RADX: variants seen among roughly 807,000 people sequenced by gnomAD.
The protein encoded by RADX is RPA1 related single stranded DNA binding protein, X-linked.
A neutral mutation model predicts 61.6 loss-of-function variants in RADX; 36 were observed. The ratio of observed to expected loss-of-function variants is 0.58; its 90% CI spans 0.45 to 0.77. RADX has a LOEUF of 0.77. Ranked by LOEUF, RADX falls within the 30% of genes least tolerant of loss-of-function variation. The probability of loss-of-function intolerance (pLI) is 0.00; values close to 1 mark genes in which losing one functional copy is unlikely to be tolerated. For synonymous variants in RADX, 272 were observed against 237.9 expected, an observed-to-expected ratio of 1.14 and a Z score of -1.32; for missense variants, 497 against 651.1, an observed-to-expected ratio of 0.76 and a Z score of 2.58.
chrX:106,636,219 A>T (rs140289379), intron 6 of RADX, among the ~76,000 whole-genome samples: 1,183 of 111,728 alleles, frequency 0.011, 17 homozygotes, highest in African/African-American at 0.036. Context: ...TTATCTGTGC[A>T]ACAAACAAAT....
rs114616789 is a variant in RADX at position 106,673,164 on chromosome X, C to G, written c.2437+3834C>G. 4.7e-3 allele frequency among the ~76,000 whole-genome samples: 526 copies of G among 111,663 alleles called. 3 individuals carry two copies. The highest frequency in any genetic ancestry group is 0.016 in the African/African-American group (500 of 30,683). On this transcript the variant is annotated intron_variant, in intron 13 of 13. Transcript: ENST00000372548. ...GTATCTAACATGCAAGACAAAGTCC[C>G]CTTTTCCCTCTGCTTTTCGCAAGTA...
intron 11 of RADX, among the ~76,000 whole-genome samples, chrX:106,661,359 GT>G (rs58810005): frequency 3.3e-5 from 3 of 91,070 alleles, no homozygotes; most frequent in East Asian, 3.4e-4. Flanking sequence ...TTTTTGTTTT[GT>G]TTTTTTTTCT....
intron 11 of RADX, among the ~76,000 whole-genome samples, chrX:106,652,851 C>T (rs111360340): frequency 0.11 from 11,936 of 108,188 alleles, 1,630 homozygotes; most frequent in African/African-American, 0.38. Context: ...CATGTAATCA[C>T]GGAGCATGCC....
At chrX:106,619,184 T>C (rs1482034252) in intron 1 of RADX, among the ~76,000 whole-genome samples, 2 of 111,296 alleles carry the variant, frequency 1.8e-5, no homozygotes, top group Non-Finnish European at 3.8e-5. Context: ...TAGATATATA[T>C]GGGGTACATG....
chrX:106,643,292 T>C (rs962910105), intron 10 of RADX, among the ~76,000 whole-genome samples: 3 of 111,467 alleles, frequency 2.7e-5, no homozygotes, highest in African/African-American at 9.8e-5. Context: ...CTCTTCACTT[T>C]GTTGATTGTT....
chrX:106,614,522 G>A (rs1289924923), intron 1 of RADX, among the ~76,000 whole-genome samples: 3 of 111,870 alleles, frequency 2.7e-5, no homozygotes, highest in Non-Finnish European at 1.9e-5. Context: ...GCTGTTGAAC[G>A]GCTTCCTCTG....
chrX:106,646,339 T>G (rs767730197), intron 10 of RADX, among the ~76,000 whole-genome samples: 2 of 110,632 alleles, frequency 1.8e-5, no homozygotes, highest in African/African-American at 6.6e-5. Flanking sequence ...AGGGCAGACT[T>G]ATGGGTTGAA....
In RADX at chrX:106,632,740, T is replaced by C. The variant is rs1381306050; in HGVS notation, c.1088+7T>C. 2.8e-6 allele frequency: 3 copies of C among 1,088,694 alleles called. No individual in the cohort carries two copies. Among genetic ancestry groups the C allele is most frequent in the East Asian group, 6.0e-5 (2 of 33,109 alleles). The allele number at this position is 1,088,694 out of a possible 1,213,427, so 89.7% of individuals were successfully genotyped here. ...ATCACCGATTTACCACAAGGTAAAA[T>C]AGTTTCTTGTAAAATGTCTTAAATA... is the stretch of plus-strand genomic sequence containing the variant. On this transcript the variant is annotated splice_region_variant and intron_variant, in intron 4 of 13. Transcript: ENST00000372548.
intron 3 of RADX, among the ~76,000 whole-genome samples, chrX:106,631,535 C>A (rs1264806530): frequency 1.9e-5 from 2 of 108,069 alleles, no homozygotes; most frequent in Non-Finnish European, 3.8e-5. Flanking sequence ...TAAGACCCCC[C>A]CATCTCTACC....
chrX:106,649,529 T>G (rs1285579459), intron 11 of RADX, among the ~76,000 whole-genome samples: 1 of 111,977 alleles, frequency 8.9e-6, no homozygotes, highest in Admixed American at 9.5e-5. Context: ...ATATGGTACT[T>G]CTCACAATTA....
intron 8 of RADX, chrX:106,638,532 G>C (rs1383157293): frequency 1.8e-5 from 2 of 112,067 alleles, no homozygotes; most frequent in African/African-American, 6.5e-5. Context: ...AAAGTGCTGG[G>C]ATTACAGGCG....
At position 106,616,606 on chromosome X, in the gene RADX, G is replaced by T. The variant is rs1261404908; in HGVS notation, c.643+3883G>T. Among the ~76,000 whole-genome samples the T allele has an allele frequency of 2.7e-5, 3 of 110,776 alleles. No individual in the cohort carries two copies. In the East Asian group the frequency reaches 8.5e-4, roughly 31 times the overall value. ...GGTTTGGAAGTATAGAGATTTTATT[G>T]TTACTCGTTATTTATATTTTCTTAT... is the stretch of plus-strand genomic sequence containing the variant. On this transcript the variant is annotated intron_variant, in intron 1 of 13. Transcript: ENST00000372548.
rs372401834 is a variant in RADX at position 106,648,282 on chromosome X, G to A, written c.1905-31G>A. On this transcript the variant is annotated intron_variant, in intron 10 of 13. Coordinates refer to ENST00000372548, the MANE Select transcript of RADX (RefSeq NM_018015.6). ...TTTTCATTTGAGACTCTTTTTATAA[G>A]GATTGGTTATACTCTTCTTATCCTT... is the stretch of plus-strand genomic sequence containing the variant. The A allele has an allele frequency of 3.1e-6, 3 of 954,332 alleles. No individual in the cohort carries two copies. The African/African-American group carries it at 5.8e-5, about 19-fold the overall frequency. The allele number at this position is 954,332 out of a possible 1,213,427, so 78.6% of individuals were successfully genotyped here.
chrX:106,620,200 A>G (rs1485635408), intron 1 of RADX, among the ~76,000 whole-genome samples: 1 of 112,395 alleles, frequency 8.9e-6, no homozygotes, highest in Non-Finnish European at 1.9e-5. Flanking sequence ...CTAGATACTA[A>G]CAAGATTTGC....
At position 106,662,216 on chromosome X, in the gene RADX, C is replaced by T. The variant is rs147676341; in HGVS notation, c.2180C>T (p.Ala727Val). 2.0e-5 allele frequency: 24 copies of T among 1,207,785 alleles called. No homozygotes were observed. The highest frequency in any genetic ancestry group is 2.7e-5 in the Non-Finnish European group (24 of 893,949). ...FLSDQYNSQPAKYVPPEGRPP... is the reference protein window; with the variant it reads ...FLSDQYNSQPVKYVPPEGRPP... ...AGTGACCAGTATAATTCTCAGCCTG[C>T]GAAATATGTACCACCAGAAGGAAGG... is the stretch of plus-strand genomic sequence containing the variant. Residue 727 changes from alanine to valine, a missense_variant, in exon 12 of 14, where the codon GCG (alanine) becomes GTG (valine). Around this residue, in one of 3 missense-constraint regions of RADX, gnomAD observed 267 missense variants for 306.9 expected, o/e 0.87. Transcript: ENST00000372548.
chrX:106,645,098 A>T (rs1927624466), intron 10 of RADX, among the ~76,000 whole-genome samples: 1 of 111,155 alleles, frequency 9.0e-6, no homozygotes, highest in Non-Finnish European at 1.9e-5. Context: ...GAATTTCTGC[A>T]GTATCAGTTG....
chrX:106,641,113 C>T (rs1367667870), intron 10 of RADX, among the ~76,000 whole-genome samples: 1 of 110,684 alleles, frequency 9.0e-6, no homozygotes, highest in Non-Finnish European at 1.9e-5. Flanking sequence ...GGATACCACT[C>T]ATATTGGATT....
intron 1 of RADX, among the ~76,000 whole-genome samples, chrX:106,614,161 TTAA>T (rs1926745107): frequency 8.9e-6 from 1 of 112,010 alleles, no homozygotes; most frequent in African/African-American, 3.2e-5. Flanking sequence ...TTTCAAATTG[TTAA>T]TAATAAAATA....
At position 106,632,654 on chromosome X, in the gene RADX, A is replaced by G; in HGVS notation, c.1009A>G (p.Thr337Ala). The G allele has an allele frequency of 1.7e-6, 2 of 1,201,368 alleles. No homozygotes were observed. The highest frequency in any genetic ancestry group is 2.3e-6 in the Non-Finnish European group (2 of 888,427). ...CTGCCTGAATCTTCGAGATCCCCCA[A>G]CAAATATAATTATCATTCCAGAAAA... ...EICLNLRDPP[T>A]NIIIIPEKQV... Residue 337 changes from threonine to alanine, a missense_variant, in exon 4 of 14, where the codon ACA becomes GCA. Physicochemically the swap from Thr to Ala is moderately conservative, Grantham distance 58. Transcript: ENST00000372548.
Sources: allele counts gnomAD v4.1 joint callset (sites outside exome capture counted in the v4.1 genomes callset), GRCh38; gene constraint gnomAD v4.1.1; regional missense constraint gnomAD v4.1.1; transcripts MANE v1.5; gene names NCBI Gene and HGNC (gene_info 2026-07-23, HGNC 2026-07-21).